ARHGAP39: variants seen among roughly 807,000 people sequenced by gnomAD.
ARHGAP39 encodes the protein rho GTPase-activating protein 39.
Under a neutral mutation model 106.9 loss-of-function variants are expected in ARHGAP39, and 44 were observed. The observed-to-expected ratio is 0.41, with a 90% CI of 0.32 to 0.53. ARHGAP39 has a LOEUF of 0.53. ARHGAP39 is among the 20% of genes least tolerant of loss of function. The pLI is 0.21. For synonymous variants in ARHGAP39, 768 were observed against 693.2 expected (o/e 1.11, Z -1.69); for missense variants, 1,496 against 1,577.3 (o/e 0.95, Z 0.87).
At chr8:144,532,659 G>A (rs1311212530) in intron 9 of ARHGAP39, among the ~76,000 whole-genome samples, 3 of 152,162 alleles carry the variant, frequency 2.0e-5, no homozygotes, top group African/African-American at 4.8e-5. Flanking sequence ...TCCCTGGGTG[G>A]ATGCCCTCAC....
chr8:144,561,261 G>GACCCCAGTGGTTTCCATCAC (rs1564848256), intron 3 of ARHGAP39, among the ~76,000 whole-genome samples: 15 of 126,678 alleles, frequency 1.2e-4, no homozygotes, highest in Non-Finnish European at 7.7e-5. Flanking sequence ...GTGTCCATCA[G>GACCCCAGTGGTTTCCATCAC]ACCCCAGTGG....
chr8:144,575,824 GGTCT>G (rs1208946152), intron 3 of ARHGAP39, among the ~76,000 whole-genome samples: 1 of 152,166 alleles, frequency 6.6e-6, no homozygotes, highest in African/African-American at 2.4e-5. Flanking sequence ...CAGTGCAGCA[GGTCT>G]GTCTACGCCA....
chr8:144,602,300 T>C (rs1178827053), intron 2 of ARHGAP39, among the ~76,000 whole-genome samples: 8 of 130,884 alleles, frequency 6.1e-5, no homozygotes, highest in Admixed American at 2.3e-4. Context: ...TGTGCTCGTG[T>C]ACCTGTGTGT....
At chr8:144,685,257 ACACT>A (rs943214307) in intron 1 of ARHGAP39, among the ~76,000 whole-genome samples, 7 of 132,606 alleles carry the variant, frequency 5.3e-5, no homozygotes, top group Admixed American at 3.0e-4. Context: ...GGGCACACTC[ACACT>A]CACTCTGGAC....
At chr8:144,589,009 G>A (rs1326020326) in intron 2 of ARHGAP39, among the ~76,000 whole-genome samples, 1 of 152,222 alleles carries the variant, frequency 6.6e-6, no homozygotes. Flanking sequence ...TGGGACCCGG[G>A]GACAGAAAAA....
At chr8:144,602,292 T>TGTGA (rs1820031958) in intron 2 of ARHGAP39, among the ~76,000 whole-genome samples, 1 of 133,308 alleles carries the variant, frequency 7.5e-6, no homozygotes, top group African/African-American at 2.9e-5. Flanking sequence ...GAGGCGTGTG[T>TGTGA]GCTCGTGTAC....
At chr8:144,680,595 C>A (rs1586655347) in intron 1 of ARHGAP39, among the ~76,000 whole-genome samples, 1 of 151,908 alleles carries the variant, frequency 6.6e-6, no homozygotes. Flanking sequence ...TACAACTGAG[C>A]ATAAATTAGA....
chr8:144,598,633 A>G (rs1331142377), intron 2 of ARHGAP39, among the ~76,000 whole-genome samples: 1 of 152,206 alleles, frequency 6.6e-6, no homozygotes, highest in Non-Finnish European at 1.5e-5. Flanking sequence ...CACACCTCAC[A>G]CCACACACAA....
At position 144,585,627 on chromosome 8, in the gene ARHGAP39, A is replaced by C. The variant is rs933113833; in HGVS notation, c.81-4350T>G. On this transcript the variant is annotated intron_variant, in intron 2 of 11. Coordinates refer to ENST00000377307, the MANE Select transcript of ARHGAP39 (RefSeq NM_025251.3). The surrounding 1 kb of genome is among the most constrained non-coding windows in gnomAD (Gnocchi z 4.6). ...AACATGGTGCACCTCGAACCCCCAC[A>C]GCTCAGCACTCTAGGGAGAGAGGAT... 1.3e-5 allele frequency among the ~76,000 whole-genome samples: 2 copies of C among 152,282 alleles called. No individual in the cohort carries two copies. The highest frequency in any genetic ancestry group is 4.8e-5 in the African/African-American group (2 of 41,572).
chr8:144,545,281 T>G lies in ARHGAP39; in HGVS notation c.2489A>C (p.Tyr830Ser). The part of the protein sequence containing the change: ...KFHSYLEGYI[Y>S]RHMDPVNDTK... Reference sequence around the variant, plus strand: ...GTCATTGACGGGGTCCATGTGCCGGTAGATGTAGCCTTCCAGGTAGGAGTG... The same window carrying G: ...GTCATTGACGGGGTCCATGTGCCGGGAGATGTAGCCTTCCAGGTAGGAGTG... The change falls in exon 6 of 12, where the codon TAC (tyrosine) becomes TCC (serine). Residue 830 changes from tyrosine to serine, a missense_variant. Physicochemically the swap from Tyr to Ser is moderately radical, Grantham distance 144 (BLOSUM62 -2). Transcript: ENST00000377307. The G allele has an allele frequency of 6.4e-7, 1 of 1,559,524 alleles. No homozygotes were observed. The highest frequency in any genetic ancestry group is 2.3e-5 in the East Asian group (1 of 43,600).
Position 144,679,174 on chromosome 8 carries a change from G to A in ARHGAP39, c.-82+6512C>T, listed in dbSNP as rs1028779952. On this transcript the variant is annotated intron_variant, in intron 1 of 11. Transcript: ENST00000377307. The surrounding 1 kb of genome is among the most constrained non-coding windows in gnomAD (Gnocchi z 4.7). ...CCGGCTCCAGCGTCCAGCATCTGCG[G>A]CTGAGGGGAGACATCCAGCTGCACC... Among the ~76,000 whole-genome samples, 7 of 152,214 alleles carry A rather than the reference G, an allele frequency of 4.6e-5. No individual in the cohort carries two copies. The highest frequency in any genetic ancestry group is 1.0e-4 in the Non-Finnish European group (7 of 68,038).
chr8:144,596,204 G>C (rs964427326), intron 2 of ARHGAP39, among the ~76,000 whole-genome samples: 1 of 149,278 alleles, frequency 6.7e-6, no homozygotes, highest in Admixed American at 6.6e-5. Flanking sequence ...AGTGGGCAGA[G>C]GGGATGGCTA....
At chr8:144,571,286 A>G (rs1818577260) in intron 3 of ARHGAP39, among the ~76,000 whole-genome samples, 1 of 152,224 alleles carries the variant, frequency 6.6e-6, no homozygotes, top group Non-Finnish European at 1.5e-5. Context: ...ATCCACCACG[A>G]TCAAGTCAGC....
intron 6 of ARHGAP39, among the ~76,000 whole-genome samples, chr8:144,542,289 C>G (rs1163861550): frequency 6.6e-6 from 1 of 152,176 alleles, no homozygotes; most frequent in East Asian, 1.9e-4. Flanking sequence ...AAGGTGTGAG[C>G]ACCCATGAGA....
intron 2 of ARHGAP39, among the ~76,000 whole-genome samples, chr8:144,596,168 C>T (rs1819614008): frequency 6.6e-6 from 1 of 152,180 alleles, no homozygotes; most frequent in Non-Finnish European, 1.5e-5. Context: ...GAGGCCTGGC[C>T]ACCCCGGCGC....
Position 144,541,423 on chromosome 8 carries a change from C to T in ARHGAP39, c.2522-3610G>A, listed in dbSNP as rs576593768. Among the ~76,000 whole-genome samples the T allele has an allele frequency of 1.0e-3, 156 of 152,302 alleles. No individual in the cohort carries two copies. In the Middle Eastern group the frequency reaches 0.014, roughly 13 times the overall value. On this transcript the variant is annotated intron_variant, in intron 6 of 11. Coordinates refer to ENST00000377307, the MANE Select transcript of ARHGAP39 (RefSeq NM_025251.3). ...ATTTACCACTTTAACCATTTAAAAA[C>T]AGACAGTTCTGTGACATTAAGTACA...
rs769274755 is a variant in ARHGAP39 at position 144,530,545 on chromosome 8, G to A, written c.3222C>T (p.Pro1074=). ...CGTCGGACTGGCAGCGCAAGCAGTT[G>A]GGCGCCATCACCATGGCCAGGTTGC... ...DVSNLAMVMA[P]NCLRCQSDDP... Residue 1074 remains proline, a synonymous_variant, in exon 12 of 12, where the codon CCC becomes CCT. Coordinates refer to ENST00000377307, the MANE Select transcript of ARHGAP39 (RefSeq NM_025251.3). 6.2e-7 allele frequency: 1 copy of A among 1,611,862 alleles called. No individual in the cohort carries two copies.
At chr8:144,642,312 C>T (rs927231538) in intron 1 of ARHGAP39, among the ~76,000 whole-genome samples, 1 of 152,038 alleles carries the variant, frequency 6.6e-6, no homozygotes, top group Non-Finnish European at 1.5e-5. Flanking sequence ...ATGGTGAAAC[C>T]CTGACTCTAC....
the ARHGAP39 span, among the ~76,000 whole-genome samples, chr8:144,694,177 T>C: frequency 6.6e-6 from 1 of 152,130 alleles, no homozygotes; most frequent in Non-Finnish European, 1.5e-5. Flanking sequence ...AAAGGAAATA[T>C]TCTGGTTGTT....
Sources: allele counts gnomAD v4.1 joint callset (sites outside exome capture counted in the v4.1 genomes callset), GRCh38; gene constraint gnomAD v4.1.1; non-coding constraint Gnocchi (gnomAD v3.1); transcripts MANE v1.5; gene names NCBI Gene and HGNC (gene_info 2026-07-23, HGNC 2026-07-21).